The following GAS7 variants were observed in gnomAD, a reference collection of about 807,000 sequenced individuals.
GAS7 encodes growth arrest-specific protein 7.
In GAS7, 28 loss-of-function variants were observed where a neutral mutation model predicts 71.1. The ratio of observed to expected loss-of-function variants is 0.39; its 90% CI spans 0.29 to 0.54. GAS7 has a LOEUF of 0.54. GAS7 is among the 20% of genes least tolerant of loss of function. GAS7 has a pLI of 0.62. For missense variants in GAS7, 436 were observed against 627.8 expected, an observed-to-expected ratio of 0.69 and a Z score of 3.27; for synonymous variants, 258 against 245.8, an observed-to-expected ratio of 1.05 and a Z score of -0.46.
At chr17:9,965,806 CACCAG>C (rs1174547864) in intron 4 of GAS7, among the ~76,000 whole-genome samples, 1 of 152,154 alleles carries the variant, frequency 6.6e-6, no homozygotes, top group African/African-American at 2.4e-5. Context: ...CACTGGGTGG[CACCAG>C]ATCACCACCT....
At chr17:10,046,434 G>T (rs1237983466) in intron 1 of GAS7, among the ~76,000 whole-genome samples, 1 of 150,148 alleles carries the variant, frequency 6.7e-6, no homozygotes, top group Non-Finnish European at 1.5e-5. Context: ...GCCAATGAAG[G>T]AAATGCAGAA....
In GAS7 at chr17:9,919,493, C is replaced by G. The variant is rs2067715794; in HGVS notation, c.1218+133G>C. On this transcript the variant is annotated intron_variant, in intron 12 of 13. Coordinates refer to ENST00000432992, the MANE Select transcript of GAS7 (RefSeq NM_201433.2). The surrounding 1 kb of genome is among the most constrained non-coding windows in gnomAD (Gnocchi z 5.0). ...CTGGCTCACATTGAGGTTTCGACCC[C>G]AACACTGAAGTAGATTTGATGACCA... The G allele has an allele frequency of 1.3e-6, 1 of 753,228 alleles. No individual in the cohort carries two copies. Among genetic ancestry groups the G allele is most frequent in the Non-Finnish European group, 2.4e-6 (1 of 412,854 alleles). 46.7% of individuals were successfully genotyped at this position (753,228 alleles called of 1,614,324 possible).
In GAS7 at chr17:9,926,761, G is replaced by C; in HGVS notation, c.894C>G (p.Ser298Arg). ...VHLKFSAKLH[S>R]EVEKPLMNFR... ...AGTTCATCAGGGGCTTCTCCACCTC[G>C]CTGTGAAGCTGTTGGGAGAGTAGAG... Residue 298 changes from serine to arginine, a missense_variant, in exon 10 of 14, where the codon AGC becomes AGG. Transcript: ENST00000432992. This position sits in a 1 kb window ranked among gnomAD's most constrained non-coding sequence, Gnocchi z 5.0. 1 of 1,614,034 alleles carries C rather than the reference G, an allele frequency of 6.2e-7. No homozygotes were observed. The highest frequency in any genetic ancestry group is 8.5e-7 in the Non-Finnish European group (1 of 1,179,948).
chr17:10,017,122 C>A (rs1050422101), intron 2 of GAS7, among the ~76,000 whole-genome samples: 10 of 147,014 alleles, frequency 6.8e-5, no homozygotes, highest in African/African-American at 2.0e-4. Flanking sequence ...CAGAGTGAGA[C>A]CCTGTCTAAA....
intron 1 of GAS7, among the ~76,000 whole-genome samples, chr17:10,190,851 A>AAAAAAAAAAAC (rs2074492808): frequency 6.8e-6 from 1 of 146,298 alleles, no homozygotes; most frequent in African/African-American, 2.6e-5. Flanking sequence ...ATATCTCACA[A>AAAAAAAAAAAC]AAAAAAAAAA....
At chr17:10,066,922 G>C (rs1387317182) in intron 1 of GAS7, among the ~76,000 whole-genome samples, 1 of 152,108 alleles carries the variant, frequency 6.6e-6, no homozygotes, top group Non-Finnish European at 1.5e-5. Flanking sequence ...GCTTGATCTA[G>C]CTGGACAATC....
rs142726183 is a variant in GAS7, at chr17:9,926,058, T to A, written c.1015-459A>T. On this transcript the variant is annotated intron_variant, in intron 10 of 13. Transcript: ENST00000432992. This position sits in a 1 kb window ranked among gnomAD's most constrained non-coding sequence, Gnocchi z 5.0. ...TACTGCCTTTCCTCCAGGCCACCACTGGCATCTCTGTGGTCCTTGGGTGGC... is the reference window on the plus strand; with the variant it reads ...TACTGCCTTTCCTCCAGGCCACCACAGGCATCTCTGTGGTCCTTGGGTGGC... Among the ~76,000 whole-genome samples, 126 of 152,174 alleles carry A rather than the reference T, an allele frequency of 8.3e-4. No individual in the cohort carries two copies. The highest frequency in any genetic ancestry group is 1.5e-3 in the Non-Finnish European group (103 of 67,996).
At chr17:9,991,062 A>G (rs1344327344) in intron 2 of GAS7, among the ~76,000 whole-genome samples, 1 of 152,226 alleles carries the variant, frequency 6.6e-6, no homozygotes, top group East Asian at 1.9e-4. Flanking sequence ...CTCTTAGCAC[A>G]GTTTCTGACA....
At chr17:9,958,444 CG>C (rs2069336676) in intron 5 of GAS7, among the ~76,000 whole-genome samples, 1 of 152,216 alleles carries the variant, frequency 6.6e-6, no homozygotes, top group South Asian at 2.1e-4. Context: ...CAGGGGTGGT[CG>C]GAATGGCTCA....
intron 2 of GAS7, among the ~76,000 whole-genome samples, chr17:10,005,393 C>T (rs1452170181): frequency 6.6e-6 from 1 of 151,696 alleles, no homozygotes; most frequent in Non-Finnish European, 1.5e-5. Flanking sequence ...CCACCCTCAC[C>T]CGCAATACTT....
At chr17:9,942,525 A>G (rs1440361622) in intron 7 of GAS7, among the ~76,000 whole-genome samples, 2 of 152,136 alleles carry the variant, frequency 1.3e-5, no homozygotes, top group South Asian at 4.2e-4. Flanking sequence ...TGTGTTCCCA[A>G]GCTCTTTAGA....
chr17:10,127,347 G>A (rs969434721), intron 1 of GAS7, among the ~76,000 whole-genome samples: 1 of 152,174 alleles, frequency 6.6e-6, no homozygotes, highest in African/African-American at 2.4e-5. Flanking sequence ...AGCCTGCTGT[G>A]TAAAGATGAA....
At chr17:10,016,881 T>C (rs1344775821) in intron 2 of GAS7, among the ~76,000 whole-genome samples, 1 of 150,596 alleles carries the variant, frequency 6.6e-6, no homozygotes, top group Non-Finnish European at 1.5e-5. Context: ...GCCCAGGAAG[T>C]TAACGCTGCA....
chr17:10,047,048 G>GC (rs746985049), intron 1 of GAS7, among the ~76,000 whole-genome samples: 5 of 151,942 alleles, frequency 3.3e-5, no homozygotes, highest in Non-Finnish European at 7.4e-5. Context: ...TGAACACTGA[G>GC]CAGCCAGCCC....
chr17:10,159,233 A>G (rs535196919), intron 1 of GAS7, among the ~76,000 whole-genome samples: 2 of 151,734 alleles, frequency 1.3e-5, no homozygotes, highest in Non-Finnish European at 2.9e-5. Flanking sequence ...GTGGGAGTGG[A>G]ACACTATTTG....
At chr17:10,105,027 T>A (rs2073743623) in intron 1 of GAS7, among the ~76,000 whole-genome samples, 1 of 152,218 alleles carries the variant, frequency 6.6e-6, no homozygotes, top group Non-Finnish European at 1.5e-5. Context: ...TCTGACTACC[T>A]CACCTTACAC....
chr17:10,162,417 T>G (rs2074263717), intron 1 of GAS7, among the ~76,000 whole-genome samples: 1 of 41,922 alleles, frequency 2.4e-5, no homozygotes, highest in Non-Finnish European at 4.4e-5. Flanking sequence ...ATTTAATGTA[T>G]CCTTCAAGTT....
chr17:10,116,049 G>A (rs757037140), intron 1 of GAS7, among the ~76,000 whole-genome samples: 2 of 152,168 alleles, frequency 1.3e-5, no homozygotes, highest in Admixed American at 6.5e-5. Context: ...GGTGGCTCAC[G>A]ACTGTAATCC....
chr17:10,006,112 A>C lies in GAS7; in HGVS notation c.304+13665T>G, dbSNP rs1567882106. ...AGCACACTCATCCTAACCAAAGTAG[A>C]GGCAAATTAGGATGCCCCAGTCTAA... is the stretch of plus-strand genomic sequence containing the variant. On this transcript the variant is annotated intron_variant, in intron 2 of 13. Coordinates refer to ENST00000432992, the MANE Select transcript of GAS7 (RefSeq NM_201433.2). Among the ~76,000 whole-genome samples, 2 of 152,094 alleles carry C rather than the reference A, an allele frequency of 1.3e-5. 1 individual carries two copies. Among genetic ancestry groups the C allele is most frequent in the South Asian group, 4.1e-4 (2 of 4,834 alleles).
Sources: gnomAD v4.1 joint callset for allele counts (sites outside exome capture counted in the v4.1 genomes callset) on GRCh38, gnomAD v4.1.1 for gene constraint, Gnocchi (gnomAD v3.1) non-coding constraint, MANE v1.5 for transcripts, NCBI Gene and HGNC (gene_info 2026-07-23, HGNC 2026-07-21) for gene names.